The following KCNJ3 variants were observed in gnomAD, a reference collection of about 807,000 sequenced individuals.
The protein encoded by KCNJ3 is potassium inwardly rectifying channel subfamily J member 3.
Under a neutral mutation model 39.2 loss-of-function variants are expected in KCNJ3, and 4 were observed. The observed-to-expected ratio is 0.10, with a 90% CI of 0.05 to 0.23. The LOEUF (loss-of-function observed/expected upper bound fraction) is 0.23. KCNJ3 is among the 10% of genes least tolerant of loss of function. KCNJ3 has a pLI of 1.00. For missense variants in KCNJ3, 276 were observed against 634.9 expected, an observed-to-expected ratio of 0.43 and a Z score of 6.08; for synonymous variants, 230 against 237.4, an observed-to-expected ratio of 0.97 and a Z score of 0.29.
chr2:154,707,830 CT>C (rs1212031569), intron 1 of KCNJ3, among the ~76,000 whole-genome samples: 1 of 151,996 alleles, frequency 6.6e-6, no homozygotes, highest in Non-Finnish European at 1.5e-5. Flanking sequence ...GTTTTTGTTG[CT>C]TTAATTTTGT....
chr2:154,754,699 AT>A (rs11317591), intron 2 of KCNJ3, among the ~76,000 whole-genome samples: 119,091 of 152,108 alleles, frequency 0.78, 48,564 homozygotes, highest in East Asian at 1. Flanking sequence ...AGCTTACAGG[AT>A]TTTTTTCAGT....
chr2:154,819,639 T>C (rs1282523694), intron 2 of KCNJ3, among the ~76,000 whole-genome samples: 2 of 152,058 alleles, frequency 1.3e-5, no homozygotes, highest in East Asian at 3.9e-4. Flanking sequence ...CAAGCTATTC[T>C]TCTGCCTCAG....
chr2:154,784,598 G>T (rs1363738849), intron 2 of KCNJ3, among the ~76,000 whole-genome samples: 1 of 152,064 alleles, frequency 6.6e-6, no homozygotes, highest in South Asian at 2.1e-4. Flanking sequence ...GGCCAGGCTG[G>T]TCTCGAACTC....
chr2:154,812,212 A>G (rs1687018345), intron 2 of KCNJ3, among the ~76,000 whole-genome samples: 1 of 152,180 alleles, frequency 6.6e-6, no homozygotes, highest in Non-Finnish European at 1.5e-5. Context: ...ATTGCCCTGG[A>G]TGAGAAGAGT....
At chr2:154,729,153 T>G (rs1558858239) in intron 2 of KCNJ3, among the ~76,000 whole-genome samples, 1 of 152,120 alleles carries the variant, frequency 6.6e-6, no homozygotes, top group Non-Finnish European at 1.5e-5. Context: ...AAGAAAACCT[T>G]TTTAGTGAGT....
At chr2:154,748,619 A>G (rs1417790487) in intron 2 of KCNJ3, among the ~76,000 whole-genome samples, 1 of 152,130 alleles carries the variant, frequency 6.6e-6, no homozygotes. Flanking sequence ...ATATGAGTGA[A>G]CTGAACACTA....
At chr2:154,761,026 C>T (rs12478971) in intron 2 of KCNJ3, among the ~76,000 whole-genome samples, 48,180 of 148,080 alleles carry the variant, frequency 0.33, 9,146 homozygotes, top group Non-Finnish European at 0.43. Context: ...TGTGAGCCAC[C>T]GTGACCGGCC....
chr2:154,700,097 A>C (rs1275602759), intron 1 of KCNJ3, among the ~76,000 whole-genome samples: 2 of 152,194 alleles, frequency 1.3e-5, no homozygotes, highest in Non-Finnish European at 2.9e-5. Flanking sequence ...GGTTCTTTTA[A>C]ATTTTTATTT....
At chr2:154,752,032 C>T (rs1220404096) in intron 2 of KCNJ3, among the ~76,000 whole-genome samples, 1 of 152,018 alleles carries the variant, frequency 6.6e-6, no homozygotes. Context: ...ACACAATTCA[C>T]ACCATAACAC....
chr2:154,727,812 A>T (rs1369619589), intron 2 of KCNJ3, among the ~76,000 whole-genome samples: 2 of 151,704 alleles, frequency 1.3e-5, no homozygotes, highest in African/African-American at 4.8e-5. Context: ...CTGTCATAGT[A>T]GAAAAAATGC....
intron 2 of KCNJ3, among the ~76,000 whole-genome samples, chr2:154,728,721 T>G (rs1028090277): frequency 6.6e-6 from 1 of 152,188 alleles, no homozygotes; most frequent in Non-Finnish European, 1.5e-5. Context: ...AATTTTGGTC[T>G]AGATAGAGTC....
In KCNJ3 at chr2:154,832,167, C is replaced by T. The variant is rs145109721; in HGVS notation, c.920-22560C>T. Among the ~76,000 whole-genome samples, 429 of 152,064 alleles carry T rather than the reference C, an allele frequency of 2.8e-3. 4 individuals are homozygous for T. The highest frequency in any genetic ancestry group is 0.01 in the African/African-American group (421 of 41,480). On this transcript the variant is annotated intron_variant, in intron 2 of 2. Transcript: ENST00000295101. ...CCCCATGCATCTAGACACCTCCCAC[C>T]GGGCCCCATCTCCAACATTATGGGT...
intron 2 of KCNJ3, among the ~76,000 whole-genome samples, chr2:154,827,965 G>A (rs1687296795): frequency 6.6e-6 from 1 of 152,076 alleles, no homozygotes; most frequent in Admixed American, 6.6e-5. Context: ...AATATAAACA[G>A]ATACCGTCAG....
chr2:154,808,797 T>C (rs1385001317), intron 2 of KCNJ3, among the ~76,000 whole-genome samples: 2 of 152,154 alleles, frequency 1.3e-5, no homozygotes, highest in African/African-American at 4.8e-5. Flanking sequence ...TGTGACCAAA[T>C]TGCCTTTACT....
chr2:154,797,790 G>A (rs1686747268), intron 2 of KCNJ3, among the ~76,000 whole-genome samples: 2 of 151,964 alleles, frequency 1.3e-5, no homozygotes, highest in Middle Eastern at 3.4e-3. Context: ...ATTCCCTTTA[G>A]ATTGAACATT....
intron 2 of KCNJ3, among the ~76,000 whole-genome samples, chr2:154,789,714 T>C (rs1287085022): frequency 1.3e-5 from 2 of 152,110 alleles, no homozygotes; most frequent in African/African-American, 4.8e-5. Context: ...CAAATTGTCA[T>C]ATAATTTCTA....
At chr2:154,764,178 A>T (rs1213424573) in intron 2 of KCNJ3, among the ~76,000 whole-genome samples, 2 of 152,200 alleles carry the variant, frequency 1.3e-5, no homozygotes, top group African/African-American at 4.8e-5. Flanking sequence ...TTCTGGGCTA[A>T]AATAAAGATT....
chr2:154,816,913 C>G (rs1687092004), intron 2 of KCNJ3, among the ~76,000 whole-genome samples: 1 of 152,124 alleles, frequency 6.6e-6, no homozygotes, highest in Admixed American at 6.5e-5. Flanking sequence ...TTACATTAAT[C>G]ATGGATATTA....
In KCNJ3 at chr2:154,792,810, A is replaced by G. The variant is rs74548646; in HGVS notation, c.920-61917A>G. Among the ~76,000 whole-genome samples the G allele has an allele frequency of 5.1e-4, 77 of 152,250 alleles. No individual in the cohort carries two copies. In the East Asian group the frequency reaches 0.014, roughly 28 times the overall value. On this transcript the variant is annotated intron_variant, in intron 2 of 2. Coordinates refer to ENST00000295101, the MANE Select transcript of KCNJ3 (RefSeq NM_002239.4). ...CTACCTAAAAATATTTGCTTAGTTT[A>G]TCATGCTGTCAACCATACTTCAATC...
Sources: allele counts gnomAD v4.1 joint callset (sites outside exome capture counted in the v4.1 genomes callset), GRCh38; gene constraint gnomAD v4.1.1; transcripts MANE v1.5; gene names NCBI Gene and HGNC (gene_info 2026-07-23, HGNC 2026-07-21).